The following FOXO3 variants were observed in gnomAD, a reference collection of about 807,000 sequenced individuals.
FOXO3 encodes the protein forkhead box protein O3.
Under a neutral mutation model 41.9 loss-of-function variants are expected in FOXO3, and 4 were observed. The observed-to-expected ratio is 0.10, with a 90% confidence interval of 0.05 to 0.22. FOXO3 has a LOEUF of 0.22. FOXO3 is among the 10% of genes least tolerant of loss of function. The pLI is 1.00. For missense variants in FOXO3, 534 were observed against 906.8 expected, an observed-to-expected ratio of 0.59 and a Z score of 5.28; for synonymous variants, 318 against 389.3, an observed-to-expected ratio of 0.82 and a Z score of 2.16.
intron 1 of FOXO3, among the ~76,000 whole-genome samples, chr6:108,583,471 A>C (rs1278323680): frequency 6.6e-6 from 1 of 152,234 alleles, no homozygotes; most frequent in African/African-American, 2.4e-5. Flanking sequence ...TGTGTGCCAG[A>C]GGAGTGGGCA....
At chr6:108,644,330 T>C (rs1778337977) in intron 1 of FOXO3, among the ~76,000 whole-genome samples, 1 of 152,238 alleles carries the variant, frequency 6.6e-6, no homozygotes, top group South Asian at 2.1e-4. Flanking sequence ...GTACCTCATA[T>C]GCACTTAATA....
intron 1 of FOXO3, among the ~76,000 whole-genome samples, chr6:108,573,012 C>A (rs1045111733): frequency 2.6e-5 from 4 of 152,064 alleles, no homozygotes; most frequent in Non-Finnish European, 5.9e-5. Context: ...TTTTGGCCGG[C>A]GCGGTGGCTC....
chr6:108,658,173 G>A (rs947635251), intron 1 of FOXO3, among the ~76,000 whole-genome samples: 2 of 152,148 alleles, frequency 1.3e-5, no homozygotes, highest in African/African-American at 4.8e-5. Flanking sequence ...CTGATTTTGA[G>A]GGGTAACTGG....
At chr6:108,632,713 G>C (rs1778007996) in intron 1 of FOXO3, among the ~76,000 whole-genome samples, 1 of 152,082 alleles carries the variant, frequency 6.6e-6, no homozygotes. Context: ...TGTTTTTTCA[G>C]GTCATCCTGC....
chr6:108,648,993 T>C (rs1256906290), intron 1 of FOXO3, among the ~76,000 whole-genome samples: 1 of 105,756 alleles, frequency 9.5e-6, no homozygotes, highest in Non-Finnish European at 1.8e-5. Context: ...GGTAACAGAG[T>C]GGGAACCTAT....
At chr6:108,643,504 A>C (rs1218056250) in intron 1 of FOXO3, among the ~76,000 whole-genome samples, 1 of 152,240 alleles carries the variant, frequency 6.6e-6, no homozygotes, top group Non-Finnish European at 1.5e-5. Flanking sequence ...TTTTGAAAAC[A>C]AGATGAGCAA....
intron 1 of FOXO3, among the ~76,000 whole-genome samples, chr6:108,645,716 C>T (rs1450676785): frequency 6.6e-6 from 1 of 152,148 alleles, no homozygotes; most frequent in Non-Finnish European, 1.5e-5. Flanking sequence ...ACACATACAT[C>T]AGGGTAGGTA....
chr6:108,601,545 C>T (rs1435008955), intron 1 of FOXO3, among the ~76,000 whole-genome samples: 3 of 152,300 alleles, frequency 2.0e-5, no homozygotes, highest in East Asian at 3.9e-4. Context: ...CTCAGGTGAT[C>T]CACCTGCCTT....
intron 1 of FOXO3, among the ~76,000 whole-genome samples, chr6:108,617,133 G>A (rs920651123): frequency 6.6e-6 from 1 of 151,998 alleles, no homozygotes; most frequent in Non-Finnish European, 1.5e-5. Context: ...AATGTCTTTG[G>A]GTATATGCCT....
At chr6:108,636,529 G>A (rs1424785228) in intron 1 of FOXO3, among the ~76,000 whole-genome samples, 1 of 151,944 alleles carries the variant, frequency 6.6e-6, no homozygotes, top group African/African-American at 2.4e-5. Context: ...GCATCTTAGA[G>A]TGTTTTTTCA....
intron 1 of FOXO3, among the ~76,000 whole-genome samples, chr6:108,569,245 G>A (rs1226558722): frequency 1.3e-5 from 2 of 152,210 alleles, no homozygotes; most frequent in Non-Finnish European, 2.9e-5. Flanking sequence ...TTCCAAGTTA[G>A]AGTTCTGAAT....
intron 1 of FOXO3, among the ~76,000 whole-genome samples, chr6:108,630,554 T>C (rs765382862): frequency 6.6e-6 from 1 of 152,184 alleles, no homozygotes; most frequent in Non-Finnish European, 1.5e-5. Context: ...CCTGAACTTT[T>C]GTGCTTTGGA....
At chr6:108,655,165 G>GTGGAGAA (rs1352375338) in intron 1 of FOXO3, among the ~76,000 whole-genome samples, 1 of 152,188 alleles carries the variant, frequency 6.6e-6, no homozygotes, top group African/African-American at 2.4e-5. Context: ...TGCATGCTGG[G>GTGGAGAA]TGGAGAAGCA....
intron 1 of FOXO3, among the ~76,000 whole-genome samples, chr6:108,574,575 G>A (rs1478363269): frequency 6.6e-6 from 1 of 152,210 alleles, no homozygotes; most frequent in Admixed American, 6.5e-5. Context: ...TTGTGAGGTG[G>A]TCGTCTCTTT....
chr6:108,645,626 C>T (rs1165293605), intron 1 of FOXO3, among the ~76,000 whole-genome samples: 1 of 152,136 alleles, frequency 6.6e-6, no homozygotes, highest in African/African-American at 2.4e-5. Flanking sequence ...TTAGCCCTGC[C>T]AGTCGGCAAC....
intron 1 of FOXO3, among the ~76,000 whole-genome samples, chr6:108,581,377 G>T (rs1215801490): frequency 6.6e-6 from 1 of 152,118 alleles, no homozygotes; most frequent in African/African-American, 2.4e-5. Context: ...GAGGCTGGAG[G>T]GTTGTAGTTG....
At chr6:108,623,078 T>A (rs1777713597) in intron 1 of FOXO3, among the ~76,000 whole-genome samples, 1 of 152,004 alleles carries the variant, frequency 6.6e-6, no homozygotes. Context: ...TTCCATCTCA[T>A]CTTGGACATA....
At chr6:108,610,496 A>G (rs1383099820) in intron 1 of FOXO3, among the ~76,000 whole-genome samples, 17 of 152,224 alleles carry the variant, frequency 1.1e-4, no homozygotes, top group Admixed American at 1.1e-3. Flanking sequence ...CTAAGAGGAA[A>G]AAACAGTGGA....
chr6:108,642,089 GTTTTT>G (rs5878987), intron 1 of FOXO3, among the ~76,000 whole-genome samples: 1 of 134,994 alleles, frequency 7.4e-6, no homozygotes, highest in African/African-American at 2.8e-5. Flanking sequence ...TGCTTTTGGT[GTTTTT>G]TTTTTTTTTT....
Sources: gnomAD v4.1 joint callset for allele counts (sites outside exome capture counted in the v4.1 genomes callset) on GRCh38, gnomAD v4.1.1 for gene constraint, MANE v1.5 for transcripts, NCBI Gene and HGNC (gene_info 2026-07-23, HGNC 2026-07-21) for gene names.